The following ACMSD variants were observed in gnomAD, a reference collection of about 807,000 sequenced individuals.
ACMSD encodes aminocarboxymuconate semialdehyde decarboxylase.
ACMSD carries 37 observed loss-of-function variants against 45.9 expected under a neutral mutation model. The ratio of observed to expected loss-of-function variants is 0.81; its 90% CI spans 0.62 to 1.06. The LOEUF is 1.06. Among genes scored for constraint, ACMSD ranks in the 50% least tolerant of loss-of-function variants. ACMSD has a pLI of 0.00. For missense variants in ACMSD, 434 were observed against 420.9 expected (o/e 1.03, Z -0.27); for synonymous variants, 138 against 148.8 (o/e 0.93, Z 0.53).
At chr2:134,864,449 T>C (rs534897340) in intron 5 of ACMSD, among the ~76,000 whole-genome samples, 2 of 152,276 alleles carry the variant, frequency 1.3e-5, no homozygotes, top group Admixed American at 6.5e-5. Context: ...TTTCTTGATA[T>C]ACATATATCT....
intron 7 of ACMSD, 42 bp downstream of exon 7, chr2:134,871,102 A>G: frequency 6.6e-7 from 1 of 1,517,884 alleles, no homozygotes; most frequent in Non-Finnish European, 9.1e-7. Flanking sequence ...CTGTCACAAC[A>G]AAATCCCACA....
At chr2:134,877,574 G>A (rs931323938) in intron 8 of ACMSD, 2 of 152,380 alleles carry the variant, frequency 1.3e-5, no homozygotes. Flanking sequence ...TTCCTCTCCA[G>A]GTGCACCTCT....
At chr2:134,859,490 A>C in intron 3 of ACMSD, 133 bp downstream of exon 3, 1 of 780,166 alleles carries the variant, frequency 1.3e-6, no homozygotes, top group Non-Finnish European at 2.1e-6. Context: ...TTCCAGCTTC[A>C]CTGTGGGAGG....
At chr2:134,845,329 C>A (rs1270019446) in intron 2 of ACMSD, 52 bp downstream of exon 2, 1 of 1,597,894 alleles carries the variant, frequency 6.3e-7, no homozygotes. Context: ...AGAGCTGAGC[C>A]ATGGGATACC....
chr2:134,848,626 T>C (rs894279649), intron 2 of ACMSD, among the ~76,000 whole-genome samples: 12 of 152,062 alleles, frequency 7.9e-5, no homozygotes, highest in African/African-American at 2.9e-4. Context: ...GATGGGGTTG[T>C]TTTTTTTCTT....
intron 2 of ACMSD, among the ~76,000 whole-genome samples, chr2:134,856,584 A>G (rs1294642758): frequency 6.6e-6 from 1 of 152,212 alleles, no homozygotes; most frequent in Non-Finnish European, 1.5e-5. Flanking sequence ...TGATTAGTGA[A>G]GTTGAACATT....
chr2:134,860,856 C>CAAAAAAAAAAAAA (rs60233157), intron 3 of ACMSD, among the ~76,000 whole-genome samples: 7 of 72,456 alleles, frequency 9.7e-5, no homozygotes, highest in Non-Finnish European at 1.6e-4. Context: ...CCTGTCTCCA[C>CAAAAAAAAAAAAA]AAAAAAAAAA....
chr2:134,890,128 C>T (rs1156646625), intron 8 of ACMSD, among the ~76,000 whole-genome samples: 1 of 151,906 alleles, frequency 6.6e-6, no homozygotes, highest in Non-Finnish European at 1.5e-5. Flanking sequence ...GCTTATTAAT[C>T]ATGAAGAGAA....
At chr2:134,884,657 T>C (rs553734509) in intron 8 of ACMSD, among the ~76,000 whole-genome samples, 1 of 152,266 alleles carries the variant, frequency 6.6e-6, no homozygotes, top group Admixed American at 6.5e-5. Context: ...AGACATAACT[T>C]TGGGACTTTA....
chr2:134,862,038 C>G lies in ACMSD; in HGVS notation c.249+20C>G. On this transcript the variant is annotated intron_variant, in intron 4 of 9. Coordinates refer to ENST00000356140, the MANE Select transcript of ACMSD (RefSeq NM_138326.3). ...TACTGGGTGAGTGTGAAACCTCAAG[C>G]CATCTCCTTGGTGTTGAAGGTTCGT... is the stretch of plus-strand genomic sequence containing the variant. 1 of 1,614,094 alleles carries G rather than the reference C, an allele frequency of 6.2e-7. No individual in the cohort carries two copies. The highest frequency in any genetic ancestry group is 8.5e-7 in the Non-Finnish European group (1 of 1,179,960).
intron 1 of ACMSD, among the ~76,000 whole-genome samples, chr2:134,841,138 A>G (rs1254887704): frequency 1.3e-5 from 2 of 152,376 alleles, no homozygotes; most frequent in East Asian, 3.9e-4. Context: ...AACACTTCGT[A>G]CTTCCAGGGA....
intron 2 of ACMSD, among the ~76,000 whole-genome samples, chr2:134,858,103 C>A (rs1687665919): frequency 6.6e-6 from 1 of 151,970 alleles, no homozygotes; most frequent in African/African-American, 2.4e-5. Context: ...TAGCATCATT[C>A]AAAATAGCCA....
rs185325693 is a variant in ACMSD at position 134,848,130 on chromosome 2, C to T, written c.102+2853C>T. 4.9e-3 allele frequency among the ~76,000 whole-genome samples: 740 copies of T among 152,320 alleles called. 10 individuals carry two copies. Among genetic ancestry groups the T allele is most frequent in the African/African-American group, 0.017 (687 of 41,586 alleles). On this transcript the variant is annotated intron_variant, in intron 2 of 9. Transcript: ENST00000356140. ...CCTTCCAAAGTGCTGGGATTACAGG[C>T]GTGAGCCATTGCACCCAGCCAGCCA...
At chr2:134,875,536 T>C (rs1221440175) in intron 8 of ACMSD, among the ~76,000 whole-genome samples, 3 of 152,242 alleles carry the variant, frequency 2.0e-5, no homozygotes, top group African/African-American at 7.2e-5. Flanking sequence ...ATCTCTTGGC[T>C]TCCTTCCACC....
chr2:134,854,083 G>C (rs1030193771), intron 2 of ACMSD, among the ~76,000 whole-genome samples: 2 of 152,140 alleles, frequency 1.3e-5, no homozygotes, highest in Non-Finnish European at 1.5e-5. Context: ...TGCAAGGGCT[G>C]AACTAAATAA....
At position 134,871,037 on chromosome 2, in the gene ACMSD, T is replaced by C. The variant is rs1389137849; in HGVS notation, c.653T>C (p.Leu218Pro). ...GGAGTATTTGAGAAGTTTCCCAAAC[T>C]GAAAGTGTGTTTCGCACATGGTGGT... ...MGGVFEKFPK[L>P]KVCFAHGGGA... The change falls in exon 7 of 10, where the codon CTG becomes CCG. Residue 218 changes from leucine to proline, a missense_variant. Coordinates refer to ENST00000356140, the MANE Select transcript of ACMSD (RefSeq NM_138326.3). 1.2e-6 allele frequency: 2 copies of C among 1,614,164 alleles called. No individual in the cohort carries two copies. The highest frequency in any genetic ancestry group is 1.3e-5 in the African/African-American group (1 of 75,070).
chr2:134,868,158 A>C (rs979089977), intron 6 of ACMSD, among the ~76,000 whole-genome samples: 1 of 152,214 alleles, frequency 6.6e-6, no homozygotes, highest in Non-Finnish European at 1.5e-5. Flanking sequence ...TAAAGGTAGA[A>C]GGTCAACTTC....
At chr2:134,880,782 C>A (rs1252216259) in intron 8 of ACMSD, among the ~76,000 whole-genome samples, 1 of 152,100 alleles carries the variant, frequency 6.6e-6, no homozygotes, top group Non-Finnish European at 1.5e-5. Context: ...ACTTTTTGAG[C>A]ATGTACAATG....
intron 2 of ACMSD, among the ~76,000 whole-genome samples, chr2:134,859,051 G>A (rs1446523): frequency 0.59 from 87,720 of 149,010 alleles, 27,582 homozygotes; most frequent in Middle Eastern, 0.91. Context: ...AGCCATTGAC[G>A]CCCACAGAGC....
Sources: allele counts gnomAD v4.1 joint callset (sites outside exome capture counted in the v4.1 genomes callset), GRCh38; gene constraint gnomAD v4.1.1; transcripts MANE v1.5; gene names NCBI Gene and HGNC (gene_info 2026-07-23, HGNC 2026-07-21).